Variants in POLN observed in about 807,000 individuals in gnomAD.
The protein encoded by POLN is DNA polymerase N.
POLN carries 108 observed loss-of-function variants against 113.5 expected under a neutral mutation model. The ratio of observed to expected loss-of-function variants is 0.95; its 90% CI spans 0.81 to 1.12. POLN has a LOEUF of 1.12. Ranked by LOEUF, POLN falls within the 50% of genes most tolerant of loss-of-function variation. The probability of loss-of-function intolerance (pLI) is 0.00; values close to 1 mark genes in which losing one functional copy is unlikely to be tolerated. For missense variants in POLN, 1,097 were observed against 1,077.1 expected (o/e 1.02, Z -0.26); for synonymous variants, 386 against 391.5 (o/e 0.99, Z 0.17).
intron 19 of POLN, among the ~76,000 whole-genome samples, chr4:2,096,227 C>T (rs1355188256): frequency 6.6e-6 from 1 of 152,224 alleles, no homozygotes; most frequent in Non-Finnish European, 1.5e-5. Flanking sequence ...GCATGCCCAT[C>T]CAACTTCAGG....
intron 2 of POLN, among the ~76,000 whole-genome samples, chr4:2,233,709 T>G (rs1215803248): frequency 6.6e-6 from 1 of 152,226 alleles, no homozygotes; most frequent in Non-Finnish European, 1.5e-5. Context: ...AATCTATGTC[T>G]ACCTACATCT....
chr4:2,225,232 C>T (rs189388464), intron 3 of POLN, among the ~76,000 whole-genome samples: 1 of 152,016 alleles, frequency 6.6e-6, no homozygotes, highest in Non-Finnish European at 1.5e-5. Flanking sequence ...AAACCTTGAA[C>T]CTTCTCACAA....
chr4:2,139,008 C>T lies in POLN; in HGVS notation c.1732-7718G>A, dbSNP rs148448794. Reference sequence around the variant, plus strand: ...GAGGGTTGAGACTGGTGAGCATGTGCGCAGGCATGGAAGCTGCCGGGAAAG... The same window carrying T: ...GAGGGTTGAGACTGGTGAGCATGTGTGCAGGCATGGAAGCTGCCGGGAAAG... On this transcript the variant is annotated intron_variant, in intron 16 of 25. Transcript: ENST00000511885. Among the ~76,000 whole-genome samples the T allele has an allele frequency of 3.5e-3, 527 of 151,266 alleles. 4 individuals are homozygous for T. The highest frequency in any genetic ancestry group is 0.012 in the African/African-American group (499 of 41,202).
chr4:2,167,435 C>T (rs1373835908), intron 13 of POLN, among the ~76,000 whole-genome samples: 2 of 152,126 alleles, frequency 1.3e-5, no homozygotes, highest in African/African-American at 2.4e-5. Flanking sequence ...TCCCACTATA[C>T]CCCAGCAGGA....
At chr4:2,115,549 T>A (rs1260181260) in intron 19 of POLN, among the ~76,000 whole-genome samples, 1 of 152,232 alleles carries the variant, frequency 6.6e-6, no homozygotes, top group Non-Finnish European at 1.5e-5. Flanking sequence ...GGGCCAGATA[T>A]CTCCTTTGTT....
At chr4:2,190,310 A>G (rs6599417) in intron 7 of POLN, among the ~76,000 whole-genome samples, 51,626 of 151,978 alleles carry the variant, frequency 0.34, 14,446 homozygotes, top group African/African-American at 0.76. Context: ...ATTGGGGAAA[A>G]GTGCTGGGAA....
At chr4:2,088,579 C>A in intron 20 of POLN, 1 of 583,916 alleles carries the variant, frequency 1.7e-6, no homozygotes, top group Non-Finnish European at 2.5e-6. Flanking sequence ...CAAAAATACG[C>A]ATTAGCTAAT....
Position 2,188,544 on chromosome 4 carries a change from T to C in POLN, c.1021+4660A>G, listed in dbSNP as rs538395257. ...TGAACCTGGGAGGCGGAGCTTGCAG[T>C]GAGCCGAGATTGCGCCACTGCACTC... On this transcript the variant is annotated intron_variant, in intron 7 of 25. Coordinates refer to ENST00000511885, the MANE Select transcript of POLN (RefSeq NM_181808.4). 2.1e-3 allele frequency among the ~76,000 whole-genome samples: 315 copies of C among 151,686 alleles called. 2 individuals carry two copies. Among genetic ancestry groups the C allele is most frequent in the African/African-American group, 7.3e-3 (303 of 41,296 alleles).
intron 20 of POLN, chr4:2,089,738 T>C: frequency 1.5e-6 from 1 of 685,424 alleles, no homozygotes; most frequent in Non-Finnish European, 2.5e-6. Flanking sequence ...TTCAGTGTTG[T>C]GCTCTTTATC....
At chr4:2,168,882 T>C (rs145081201) in intron 13 of POLN, among the ~76,000 whole-genome samples, 54 of 152,326 alleles carry the variant, frequency 3.5e-4, no homozygotes, top group African/African-American at 1.2e-3. Flanking sequence ...CTGAAGTCTT[T>C]GATCTGCACA....
At chr4:2,074,358 C>T (rs1278878457) in intron 24 of POLN, among the ~76,000 whole-genome samples, 3 of 152,330 alleles carry the variant, frequency 2.0e-5, no homozygotes, top group Non-Finnish European at 4.4e-5. Context: ...TCCCTGGCCC[C>T]GAGTGCTCCT....
intron 11 of POLN, among the ~76,000 whole-genome samples, chr4:2,173,480 C>T (rs1352823795): frequency 7.4e-6 from 1 of 134,756 alleles, no homozygotes; most frequent in South Asian, 2.7e-4. Context: ...ATGTTTGCAC[C>T]CTTTAGCCTG....
chr4:2,120,451 T>C (rs980240793), intron 19 of POLN, among the ~76,000 whole-genome samples: 2 of 152,176 alleles, frequency 1.3e-5, no homozygotes, highest in African/African-American at 4.8e-5. Context: ...ATAGATCTTA[T>C]ACATGTTTTG....
intron 6 of POLN, among the ~76,000 whole-genome samples, chr4:2,195,774 A>G (rs931627519): frequency 6.6e-6 from 1 of 152,204 alleles, no homozygotes; most frequent in Admixed American, 6.5e-5. Flanking sequence ...ACTCTTGAGG[A>G]AAGACATGAA....
intron 13 of POLN, among the ~76,000 whole-genome samples, chr4:2,165,592 A>G (rs1444060403): frequency 2.6e-5 from 4 of 152,046 alleles, no homozygotes; most frequent in Non-Finnish European, 5.9e-5. Flanking sequence ...TTGTGTAACT[A>G]CGGACTCTGG....
In POLN at chr4:2,093,549, G is replaced by A. The variant is rs1282270252; in HGVS notation, c.2065+2302C>T. On this transcript the variant is annotated intron_variant, in intron 20 of 25. Coordinates refer to ENST00000511885, the MANE Select transcript of POLN (RefSeq NM_181808.4). This position sits in a 1 kb window ranked among gnomAD's most constrained non-coding sequence, Gnocchi z 4.1. ...AGCCCAGGCTGCCGGGCCCAGGACT[G>A]GGGAGGTGATGTCCTGCCGGCAGAG... Among the ~76,000 whole-genome samples, 1 of 152,220 alleles carries A rather than the reference G, an allele frequency of 6.6e-6. No homozygotes were observed. The highest frequency in any genetic ancestry group is 1.5e-5 in the Non-Finnish European group (1 of 68,028).
At chr4:2,161,867 G>A (rs1400654162) in intron 13 of POLN, among the ~76,000 whole-genome samples, 12 of 152,160 alleles carry the variant, frequency 7.9e-5, no homozygotes, top group Admixed American at 7.9e-4. Flanking sequence ...GTTTGTGAAT[G>A]CACCAATTGA....
At chr4:2,211,644 G>A (rs1733995914) in intron 4 of POLN, among the ~76,000 whole-genome samples, 1 of 152,034 alleles carries the variant, frequency 6.6e-6, no homozygotes, top group Non-Finnish European at 1.5e-5. Context: ...GGCAATGATG[G>A]TGTGTGCCTG....
intron 4 of POLN, among the ~76,000 whole-genome samples, chr4:2,211,197 C>T (rs891928268): frequency 4.1e-5 from 6 of 148,130 alleles, no homozygotes; most frequent in East Asian, 2.0e-4. Flanking sequence ...TGCAGTGAGC[C>T]GAGATCACAC....
Sources: gnomAD v4.1 joint callset for allele counts (sites outside exome capture counted in the v4.1 genomes callset) on GRCh38, gnomAD v4.1.1 for gene constraint, Gnocchi (gnomAD v3.1) non-coding constraint, MANE v1.5 for transcripts, NCBI Gene and HGNC (gene_info 2026-07-23, HGNC 2026-07-21) for gene names.